PCGF5: variants seen among roughly 807,000 people sequenced by gnomAD.
PCGF5 encodes polycomb group RING finger protein 5.
PCGF5 carries 9 observed loss-of-function variants against 44.3 expected under a neutral mutation model. The ratio of observed to expected loss-of-function variants is 0.20; its 90% CI spans 0.12 to 0.35. The LOEUF is 0.35. PCGF5 is among the 10% of genes least tolerant of loss of function. PCGF5 has a pLI of 1.00. For missense variants in PCGF5, 146 were observed against 305.3 expected (o/e 0.48, Z 3.89); for synonymous variants, 95 against 102.5 (o/e 0.93, Z 0.44).
chr10:91,200,421 T>G (rs577439304), intron 1 of PCGF5, among the ~76,000 whole-genome samples: 30 of 152,344 alleles, frequency 2.0e-4, no homozygotes, highest in Admixed American at 1.3e-4. Flanking sequence ...GAACAGGGGA[T>G]GTAGCCCCTT....
At chr10:91,204,197 T>C (rs901728992) in intron 1 of PCGF5, among the ~76,000 whole-genome samples, 1 of 152,184 alleles carries the variant, frequency 6.6e-6, no homozygotes, top group Non-Finnish European at 1.5e-5. Flanking sequence ...TTACTCCTCA[T>C]AAAATATTCT....
At chr10:91,276,877 G>A (rs1000563653) in intron 9 of PCGF5, among the ~76,000 whole-genome samples, 4 of 152,178 alleles carry the variant, frequency 2.6e-5, no homozygotes, top group Admixed American at 2.0e-4. Flanking sequence ...GATATTGGTC[G>A]TCTCAGAATC....
intron 8 of PCGF5, among the ~76,000 whole-genome samples, chr10:91,269,329 C>T (rs1846121456): frequency 6.6e-6 from 1 of 152,174 alleles, no homozygotes; most frequent in Non-Finnish European, 1.5e-5. Flanking sequence ...GGACTTTCTT[C>T]ACAATATTCA....
intron 6 of PCGF5, among the ~76,000 whole-genome samples, chr10:91,252,992 C>A (rs183152146): frequency 3.3e-5 from 5 of 152,082 alleles, no homozygotes; most frequent in African/African-American, 1.2e-4. Flanking sequence ...TACCTTCATT[C>A]TTAGTTTATA....
At chr10:91,165,906 C>T (rs546178289) in intron 1 of PCGF5, among the ~76,000 whole-genome samples, 1 of 152,270 alleles carries the variant, frequency 6.6e-6, no homozygotes, top group African/African-American at 2.4e-5. Context: ...ATTTTCAGGA[C>T]TCAGTACTTC....
chr10:91,208,137 T>C (rs1019518261), intron 1 of PCGF5, among the ~76,000 whole-genome samples: 3 of 152,228 alleles, frequency 2.0e-5, no homozygotes, highest in Non-Finnish European at 2.9e-5. Context: ...ATTAATAACA[T>C]GGTTATAAAA....
rs1325672425 is a variant in PCGF5 at position 91,281,253 on chromosome 10, T to C, written c.*2937T>C. ...TTGGGTAATGCCTTTTAACTACTCT[T>C]AGAGGAGTATATTATTTCTTTATAC... is the stretch of plus-strand genomic sequence containing the variant. On this transcript the variant is annotated 3_prime_UTR_variant, in exon 10 of 10. Coordinates refer to ENST00000336126, the MANE Select transcript of PCGF5 (RefSeq NM_032373.5). 1 of 152,384 alleles carries C rather than the reference T, an allele frequency of 6.6e-6. No homozygotes were observed. Among genetic ancestry groups the C allele is most frequent in the Non-Finnish European group, 1.5e-5 (1 of 67,920 alleles). The allele number at this position is 152,384 out of a possible 1,614,324, so 9.4% of individuals were successfully genotyped here.
intron 2 of PCGF5, 67 bp downstream of exon 2, chr10:91,223,050 C>A (rs1440483885): frequency 9.4e-7 from 1 of 1,066,938 alleles, no homozygotes; most frequent in Non-Finnish European, 1.4e-6. Context: ...TTTAAAATTG[C>A]CATGTTTTGT....
chr10:91,162,306 G>GGGGGT (rs1464628775), upstream of PCGF5, among the ~76,000 whole-genome samples: 2 of 150,392 alleles, frequency 1.3e-5, no homozygotes, highest in South Asian at 2.1e-4. Context: ...GTGGGGTGGC[G>GGGGGT]GGGGTGGGGT....
intron 6 of PCGF5, among the ~76,000 whole-genome samples, chr10:91,254,838 A>C (rs1845708262): frequency 6.6e-6 from 1 of 152,154 alleles, no homozygotes; most frequent in African/African-American, 2.4e-5. Flanking sequence ...CAGAGATCTG[A>C]TATTAAACAA....
At chr10:91,257,603 G>T (rs914823593) in intron 6 of PCGF5, among the ~76,000 whole-genome samples, 2 of 152,084 alleles carry the variant, frequency 1.3e-5, no homozygotes, top group African/African-American at 4.8e-5. Context: ...TATACAGCAT[G>T]AATATGCTGG....
intron 1 of PCGF5, among the ~76,000 whole-genome samples, chr10:91,164,787 C>T (rs919519097): frequency 6.6e-6 from 1 of 152,190 alleles, no homozygotes; most frequent in Admixed American, 6.5e-5. Context: ...TTCTTGATCG[C>T]CTTCATTATC....
intron 2 of PCGF5, among the ~76,000 whole-genome samples, chr10:91,238,623 T>A (rs1199264174): frequency 7.2e-6 from 1 of 138,198 alleles, no homozygotes; most frequent in Admixed American, 7.3e-5. Context: ...TTTTTTTTTT[T>A]TTTTTTTTGC....
intron 1 of PCGF5, among the ~76,000 whole-genome samples, chr10:91,213,977 C>T (rs892889450): frequency 6.6e-6 from 1 of 152,036 alleles, no homozygotes; most frequent in Non-Finnish European, 1.5e-5. Context: ...TCAGTTTGGG[C>T]TCTTAATTCA....
intron 1 of PCGF5, among the ~76,000 whole-genome samples, chr10:91,170,576 T>C (rs1182326243): frequency 8.5e-5 from 13 of 152,094 alleles, no homozygotes; most frequent in African/African-American, 2.9e-4. Context: ...CTATACACAA[T>C]TGAAATGGCC....
At chr10:91,252,560 G>A (rs1236952838) in intron 6 of PCGF5, among the ~76,000 whole-genome samples, 2 of 151,986 alleles carry the variant, frequency 1.3e-5, no homozygotes, top group African/African-American at 4.8e-5. Flanking sequence ...TTGTTAAGGG[G>A]AATTTATTGG....
intron 1 of PCGF5, among the ~76,000 whole-genome samples, chr10:91,184,432 G>A (rs192044873): frequency 4.3e-4 from 65 of 152,228 alleles, no homozygotes; most frequent in African/African-American, 1.5e-3. Flanking sequence ...CTCTCTACTG[G>A]CTGTTTTGTC....
At chr10:91,201,636 A>G (rs920706419) in intron 1 of PCGF5, among the ~76,000 whole-genome samples, 1 of 152,156 alleles carries the variant, frequency 6.6e-6, no homozygotes, top group Non-Finnish European at 1.5e-5. Context: ...CCAAGGCAGC[A>G]AGAACAAAAA....
intron 3 of PCGF5, among the ~76,000 whole-genome samples, chr10:91,246,946 G>A (rs780755159): frequency 1.4e-5 from 2 of 140,432 alleles, no homozygotes; most frequent in South Asian, 4.6e-4. Context: ...TAGTCAGGCA[G>A]ATAGATAGAT....
Sources: gnomAD v4.1 joint callset for allele counts (sites outside exome capture counted in the v4.1 genomes callset) on GRCh38, gnomAD v4.1.1 for gene constraint, MANE v1.5 for transcripts, NCBI Gene and HGNC (gene_info 2026-07-23, HGNC 2026-07-21) for gene names.